The following AKAIN1 variants were observed in gnomAD, a reference collection of about 807,000 sequenced individuals.
AKAIN1 encodes the protein A-kinase anchor inhibitor 1.
In AKAIN1, 3 loss-of-function variants were observed where a neutral mutation model predicts 3.7. The observed-to-expected ratio is 0.82, with a 90% CI of 0.37 to 2.12. The LOEUF is 2.12. AKAIN1 is among the 30% of genes most tolerant of loss of function. The pLI, the probability that AKAIN1 is intolerant of heterozygous loss-of-function variation, is 0.06. For missense variants in AKAIN1, 82 were observed against 82.7 expected, an observed-to-expected ratio of 0.99 and a Z score of 0.03; for synonymous variants, 31 against 30.8, an observed-to-expected ratio of 1.01 and a Z score of -0.02.
intron 1 of AKAIN1, among the ~76,000 whole-genome samples, chr18:5,174,754 G>C (rs2071216616): frequency 6.6e-6 from 1 of 151,896 alleles, no homozygotes; most frequent in South Asian, 2.1e-4. Context: ...AAAAAATGTA[G>C]AAAGCAATTG....
rs75485844 is a variant in AKAIN1 at position 5,165,935 on chromosome 18, C to T, written c.17-20180G>A. ...GGCTTGCAGCAAGCCTCAACACTAA[C>T]CTACTAAGTGACTTCAACAATTCAC... On this transcript the variant is annotated intron_variant, in intron 1 of 1. Transcript: ENST00000434239. Among the ~76,000 whole-genome samples the T allele has an allele frequency of 3.9e-3, 591 of 152,112 alleles. 3 individuals are homozygous for T. Among genetic ancestry groups the T allele is most frequent in the African/African-American group, 0.013 (540 of 41,528 alleles).
Position 5,196,901 on chromosome 18 carries a change from C to G in AKAIN1, c.16+137G>C, listed in dbSNP as rs995157918. ...GAAGGCGACGCGCCGAGGCACTCCT[C>G]CGCCCCATGAGCACAGACAGTAACT... On this transcript the variant is annotated intron_variant, in intron 1 of 1. Coordinates refer to ENST00000434239, the MANE Select transcript of AKAIN1 (RefSeq NM_001145194.2). The G allele has an allele frequency of 1.1e-5, 9 of 808,826 alleles. No individual in the cohort carries two copies. The Admixed American group carries it at 1.9e-4, about 17-fold the overall frequency. The allele number at this position is 808,826 out of a possible 1,614,324, so 50.1% of individuals were successfully genotyped here.
chr18:5,186,993 T>G (rs1180860642), intron 1 of AKAIN1, among the ~76,000 whole-genome samples: 1 of 152,004 alleles, frequency 6.6e-6, no homozygotes, highest in East Asian at 1.9e-4. Flanking sequence ...TTGAAATGAA[T>G]GAAAATGAAA....
chr18:5,167,517 T>G (rs2071173878), intron 1 of AKAIN1, among the ~76,000 whole-genome samples: 1 of 152,024 alleles, frequency 6.6e-6, no homozygotes, highest in African/African-American at 2.4e-5. Flanking sequence ...ATATGCCACA[T>G]CAATGTAGTT....
chr18:5,191,404 CT>C (rs1439721883), intron 1 of AKAIN1, among the ~76,000 whole-genome samples: 1 of 152,046 alleles, frequency 6.6e-6, no homozygotes, highest in Admixed American at 6.6e-5. Context: ...TGTACAATAG[CT>C]CCCCCCAAAA....
At chr18:5,192,316 A>G (rs138033574) in intron 1 of AKAIN1, among the ~76,000 whole-genome samples, 4 of 152,184 alleles carry the variant, frequency 2.6e-5, no homozygotes, top group East Asian at 3.9e-4. Context: ...TCCTACCTCA[A>G]AAAGGATCCT....
rs113485226 is a variant in AKAIN1 at position 5,158,055 on chromosome 18, A to G, written c.17-12300T>C. Reference sequence around the variant, plus strand: ...TTTCCTCACCTCTAAAATGGGTACAATAATGGCACGCCCTCACAAGGTTGT... The same window carrying G: ...TTTCCTCACCTCTAAAATGGGTACAGTAATGGCACGCCCTCACAAGGTTGT... On this transcript the variant is annotated intron_variant, in intron 1 of 1. Transcript: ENST00000434239. 2.8e-3 allele frequency among the ~76,000 whole-genome samples: 430 copies of G among 152,114 alleles called. 2 individuals are homozygous for G. Among genetic ancestry groups the G allele is most frequent in the African/African-American group, 9.4e-3 (390 of 41,498 alleles).
intron 1 of AKAIN1, among the ~76,000 whole-genome samples, chr18:5,194,822 C>T (rs2071338894): frequency 6.6e-6 from 1 of 152,084 alleles, no homozygotes; most frequent in Non-Finnish European, 1.5e-5. Flanking sequence ...CTGTTTCTTC[C>T]CTTTCTGAGT....
chr18:5,153,925 C>G (rs2071092830), intron 1 of AKAIN1, among the ~76,000 whole-genome samples: 1 of 152,138 alleles, frequency 6.6e-6, no homozygotes, highest in South Asian at 2.1e-4. Context: ...TAAGAAATCT[C>G]TGTACCTTCT....
At chr18:5,182,488 C>A (rs2071263986) in intron 1 of AKAIN1, among the ~76,000 whole-genome samples, 1 of 151,802 alleles carries the variant, frequency 6.6e-6, no homozygotes, top group Non-Finnish European at 1.5e-5. Context: ...GATAATTTAC[C>A]CAATGCCACT....
chr18:5,197,181 C>A lies in AKAIN1; in HGVS notation c.-128G>T. The A allele has an allele frequency of 1.3e-6, 2 of 1,498,644 alleles. No homozygotes were observed. Among genetic ancestry groups the A allele is most frequent in the South Asian group, 2.5e-5 (2 of 78,480 alleles). 92.8% of individuals were successfully genotyped at this position (1,498,644 alleles called of 1,614,324 possible). A position where few individuals can be genotyped will look rare whatever the true frequency, so the allele number is the denominator to read the frequency against. ...CTGGGCGGGCGGCGGGCGGGGCGGT[C>A]AGCACCCCGGACAGCTCCCGCCGCT... On this transcript the variant is annotated 5_prime_UTR_variant, in exon 1 of 2. Coordinates refer to ENST00000434239, the MANE Select transcript of AKAIN1 (RefSeq NM_001145194.2). This position sits in a 1 kb window ranked among gnomAD's most constrained non-coding sequence, Gnocchi z 6.9.
chr18:5,165,124 A>G (rs1348844662), intron 1 of AKAIN1, among the ~76,000 whole-genome samples: 1 of 151,942 alleles, frequency 6.6e-6, no homozygotes, highest in Non-Finnish European at 1.5e-5. Context: ...CATAAAAACG[A>G]ATTGAGGAAT....
At chr18:5,166,444 G>A (rs1365860707) in intron 1 of AKAIN1, among the ~76,000 whole-genome samples, 1 of 151,842 alleles carries the variant, frequency 6.6e-6, no homozygotes, top group African/African-American at 2.4e-5. Flanking sequence ...CTCCCATATA[G>A]ACACACGGAC....
chr18:5,170,547 A>C (rs1200544642), intron 1 of AKAIN1: 1 of 152,162 alleles, frequency 6.6e-6, no homozygotes, highest in Non-Finnish European at 1.5e-5. Flanking sequence ...ATCCTCATTA[A>C]TAACAATAGC....
intron 1 of AKAIN1, among the ~76,000 whole-genome samples, chr18:5,167,570 T>A (rs1426946782): frequency 6.6e-6 from 1 of 152,060 alleles, no homozygotes; most frequent in Non-Finnish European, 1.5e-5. Flanking sequence ...CTCAAGAGCT[T>A]AAAACAATTG....
At chr18:5,157,932 G>T (rs1300029087) in intron 1 of AKAIN1, among the ~76,000 whole-genome samples, 2 of 152,130 alleles carry the variant, frequency 1.3e-5, no homozygotes, top group African/African-American at 2.4e-5. Context: ...GGCCTCAAGT[G>T]ATCCTCCTGC....
intron 1 of AKAIN1, among the ~76,000 whole-genome samples, chr18:5,148,055 G>A (rs1217599171): frequency 1.3e-5 from 2 of 152,198 alleles, no homozygotes; most frequent in Non-Finnish European, 2.9e-5. Context: ...ATTTAGGTTG[G>A]TTGTTGGAGA....
chr18:5,192,437 C>A (rs1263705505), intron 1 of AKAIN1, among the ~76,000 whole-genome samples: 2 of 110,606 alleles, frequency 1.8e-5, no homozygotes, highest in African/African-American at 3.4e-5. Flanking sequence ...TTCTTTCTTT[C>A]TTTCTTTCTT....
intron 1 of AKAIN1, among the ~76,000 whole-genome samples, chr18:5,179,038 C>T (rs2071242271): frequency 6.6e-6 from 1 of 152,112 alleles, no homozygotes; most frequent in African/African-American, 2.4e-5. Context: ...ACATGTCTAA[C>T]CATGCTCAAA....
Sources: gnomAD v4.1 joint callset for allele counts (sites outside exome capture counted in the v4.1 genomes callset) on GRCh38, gnomAD v4.1.1 for gene constraint, Gnocchi (gnomAD v3.1) non-coding constraint, MANE v1.5 for transcripts, NCBI Gene and HGNC (gene_info 2026-07-23, HGNC 2026-07-21) for gene names.